NYAP2: variants seen among roughly 807,000 people sequenced by gnomAD.
NYAP2 encodes the protein neuronal tyrosine-phosphorylated phosphoinositide-3-kinase adapter 2.
Under a neutral mutation model 50.4 loss-of-function variants are expected in NYAP2, and 23 were observed. The ratio of observed to expected loss-of-function variants is 0.46; its 90% CI spans 0.33 to 0.65. The LOEUF (loss-of-function observed/expected upper bound fraction) is 0.65, where lower values mean the gene tolerates loss of function less well. NYAP2 is among the 30% of genes least tolerant of loss of function. NYAP2 has a pLI of 0.02. For synonymous variants in NYAP2, 394 were observed against 365.2 expected, an observed-to-expected ratio of 1.08 and a Z score of -0.90; for missense variants, 885 against 861.0, an observed-to-expected ratio of 1.03 and a Z score of -0.35.
chr2:225,503,575 G>A (rs1402580344), intron 3 of NYAP2, among the ~76,000 whole-genome samples: 1 of 152,116 alleles, frequency 6.6e-6, no homozygotes, highest in Non-Finnish European at 1.5e-5. Flanking sequence ...AACTTTGATA[G>A]AGGTTAAAAA....
intron 5 of NYAP2, among the ~76,000 whole-genome samples, chr2:225,602,806 G>A (rs189994767): frequency 6.6e-6 from 1 of 152,024 alleles, no homozygotes; most frequent in African/African-American, 2.4e-5. Context: ...TATTCCATTG[G>A]TCTATTTGTC....
At chr2:225,504,087 G>A (rs1225618392) in intron 3 of NYAP2, among the ~76,000 whole-genome samples, 1 of 152,184 alleles carries the variant, frequency 6.6e-6, no homozygotes, top group Non-Finnish European at 1.5e-5. Flanking sequence ...GAAGGAAGGG[G>A]AGGTAAATTA....
chr2:225,457,064 G>A lies in NYAP2; in HGVS notation c.221+47963G>A, dbSNP rs549028968. Among the ~76,000 whole-genome samples, 3 of 152,302 alleles carry A rather than the reference G, an allele frequency of 2.0e-5. No individual in the cohort carries two copies. The East Asian group carries it at 5.8e-4, about 29-fold the overall frequency. ...AATGGCGGTATTTGTCCAAGATGAT[G>A]GTGCTCCTGCTCTGTCACCTTCCAT... On this transcript the variant is annotated intron_variant, in intron 3 of 6. Transcript: ENST00000636099.
intron 5 of NYAP2, among the ~76,000 whole-genome samples, chr2:225,607,495 C>T (rs1046358327): frequency 5.3e-5 from 8 of 152,038 alleles, no homozygotes; most frequent in Non-Finnish European, 8.8e-5. Flanking sequence ...TGCGTTGTGT[C>T]CTATTTAAGA....
Position 225,582,835 on chromosome 2 carries a change from C to A in NYAP2, c.1418C>A (p.Pro473His). The change falls in exon 5 of 7, where the codon CCT becomes CAT. Residue 473 changes from proline (P) to histidine (H), a missense_variant. Transcript: ENST00000636099. This position sits in a 1 kb window ranked among gnomAD's most constrained non-coding sequence, Gnocchi z 7.0. ...CTCTCAAGGAGCTCTCCTTCAGTGC[C>A]TCACTCGACCCCCAGACCCGTGTCG... 1 of 1,613,900 alleles carries A rather than the reference C, an allele frequency of 6.2e-7. No homozygotes were observed. Among genetic ancestry groups the A allele is most frequent in the Non-Finnish European group, 8.5e-7 (1 of 1,179,888 alleles).
chr2:225,524,078 G>A (rs1303896589), intron 4 of NYAP2, among the ~76,000 whole-genome samples: 4 of 152,274 alleles, frequency 2.6e-5, no homozygotes, highest in African/African-American at 9.6e-5. Context: ...ATATGATGGG[G>A]AGTTTATTAA....
At chr2:225,545,060 T>C (rs1331689017) in intron 4 of NYAP2, among the ~76,000 whole-genome samples, 1 of 152,192 alleles carries the variant, frequency 6.6e-6, no homozygotes, top group Non-Finnish European at 1.5e-5. Context: ...CTGCCAGACT[T>C]ATTGGAGCTT....
chr2:225,464,549 C>T (rs1689885001), intron 3 of NYAP2, among the ~76,000 whole-genome samples: 1 of 152,172 alleles, frequency 6.6e-6, no homozygotes, highest in Admixed American at 6.5e-5. Context: ...GGTAACTGGG[C>T]AGCGCATGAG....
intron 3 of NYAP2, among the ~76,000 whole-genome samples, chr2:225,505,375 C>T (rs1690686266): frequency 6.6e-6 from 1 of 152,128 alleles, no homozygotes; most frequent in African/African-American, 2.4e-5. Flanking sequence ...TTTGAATGAG[C>T]ATGTGTGGCT....
upstream of NYAP2, among the ~76,000 whole-genome samples, chr2:225,398,004 A>G (rs139407684): frequency 4.9e-3 from 738 of 152,142 alleles, 16 homozygotes; most frequent in Non-Finnish European, 9.3e-4. Flanking sequence ...AAGACCATCT[A>G]TTGTTATAAA....
At chr2:225,584,178 T>G (rs1013685999) in intron 5 of NYAP2, among the ~76,000 whole-genome samples, 1 of 152,242 alleles carries the variant, frequency 6.6e-6, no homozygotes, top group African/African-American at 2.4e-5. Flanking sequence ...ATACTTCATG[T>G]TCTTGTATTT....
At chr2:225,443,653 T>C (rs1271201923) in intron 3 of NYAP2, among the ~76,000 whole-genome samples, 1 of 152,118 alleles carries the variant, frequency 6.6e-6, no homozygotes, top group Non-Finnish European at 1.5e-5. Context: ...AAATTAAAAA[T>C]AGAGCTAGAC....
chr2:225,588,220 C>T (rs1692422011), intron 5 of NYAP2, among the ~76,000 whole-genome samples: 1 of 151,974 alleles, frequency 6.6e-6, no homozygotes, highest in Non-Finnish European at 1.5e-5. Context: ...GCCACTGCAC[C>T]CAGCCAGTAT....
chr2:225,511,327 AACACACACACACACACACACAC>A (rs571887973), intron 3 of NYAP2, among the ~76,000 whole-genome samples: 1 of 129,842 alleles, frequency 7.7e-6, no homozygotes, highest in African/African-American at 3.0e-5. Flanking sequence ...CGTTCTTTAA[AACACACACACACACACACACAC>A]ACACACACAC....
chr2:225,460,185 C>T (rs1281121642), intron 3 of NYAP2, among the ~76,000 whole-genome samples: 1 of 152,086 alleles, frequency 6.6e-6, no homozygotes, highest in Non-Finnish European at 1.5e-5. Flanking sequence ...ATAATATTAG[C>T]TCTTGAAAGA....
chr2:225,599,319 A>G (rs1692658940), intron 5 of NYAP2, among the ~76,000 whole-genome samples: 1 of 152,198 alleles, frequency 6.6e-6, no homozygotes, highest in Admixed American at 6.5e-5. Context: ...GAAAAAAATT[A>G]TATTCACCAG....
chr2:225,548,143 G>A (rs988922085), intron 4 of NYAP2, among the ~76,000 whole-genome samples: 1 of 151,468 alleles, frequency 6.6e-6, no homozygotes, highest in Non-Finnish European at 1.5e-5. Context: ...CCCCACTGGA[G>A]CAGTTTTTGA....
At chr2:225,607,357 CTA>C (rs1402220027) in intron 5 of NYAP2, among the ~76,000 whole-genome samples, 1 of 152,044 alleles carries the variant, frequency 6.6e-6, no homozygotes, top group Non-Finnish European at 1.5e-5. Context: ...CTATGCCAGT[CTA>C]TTCAGCATTA....
intron 4 of NYAP2, among the ~76,000 whole-genome samples, chr2:225,569,848 A>C (rs1298508352): frequency 6.6e-6 from 1 of 152,168 alleles, no homozygotes; most frequent in African/African-American, 2.4e-5. Context: ...TATGGAACCT[A>C]ATATTTTAGC....
Sources: gnomAD v4.1 joint callset for allele counts (sites outside exome capture counted in the v4.1 genomes callset) on GRCh38, gnomAD v4.1.1 for gene constraint, Gnocchi (gnomAD v3.1) non-coding constraint, MANE v1.5 for transcripts, NCBI Gene and HGNC (gene_info 2026-07-23, HGNC 2026-07-21) for gene names.